The following REXO2 variants were observed in gnomAD, a reference collection of about 807,000 sequenced individuals.
REXO2 encodes the protein oligoribonuclease, mitochondrial.
A neutral mutation model predicts 30.9 loss-of-function variants in REXO2; 17 were observed. The observed-to-expected ratio is 0.55, with a 90% CI of 0.38 to 0.82. The LOEUF is 0.82. Among genes scored for constraint, REXO2 ranks in the 40% least tolerant of loss-of-function variants. The pLI is 0.00. For synonymous variants in REXO2, 105 were observed against 99.6 expected (o/e 1.05, Z -0.32); for missense variants, 253 against 293.2 (o/e 0.86, Z 1.00).
At chr11:114,440,769 T>G (rs1045503072) in intron 2 of REXO2, 30 bp downstream of exon 2, 1 of 1,455,050 alleles carries the variant, frequency 6.9e-7, no homozygotes, top group Non-Finnish European at 9.6e-7. Flanking sequence ...ACAGTCATAC[T>G]TTTTAAAGGG....
Position 114,439,592 on chromosome 11 carries a change from G to T in REXO2, c.64G>T (p.Gly22Trp). The T allele has an allele frequency of 6.2e-7, 1 of 1,608,242 alleles. No individual in the cohort carries two copies. The highest frequency in any genetic ancestry group is 2.2e-5 in the East Asian group (1 of 44,644). The change falls in exon 1 of 7, where the codon GGG (glycine) becomes TGG (tryptophan). Residue 22 changes from glycine to tryptophan, a missense_variant. Transcript: ENST00000265881. ...TGTAGGTGGGAGTCACGGACGGTTC[G>T]GGGCCCGAGGTGTCCGCGAAGGTGG... ...RGVGGSHGRF[G>W]ARGVREGGAA...
intron 3 of REXO2, 115 bp downstream of exon 3, chr11:114,444,048 T>C: frequency 1.3e-6 from 1 of 783,218 alleles, no homozygotes; most frequent in Admixed American, 2.0e-5. Context: ...TTAGAGAAGA[T>C]TGCATGGCAA....
chr11:114,446,518 C>T (rs1266605132), intron 5 of REXO2, among the ~76,000 whole-genome samples: 12 of 152,178 alleles, frequency 7.9e-5, no homozygotes, highest in Non-Finnish European at 1.5e-5. Context: ...AGGGAAGCAG[C>T]ATCTAACTGT....
At position 114,439,563 on chromosome 11, in the gene REXO2, G is replaced by T; in HGVS notation, c.35G>T (p.Arg12Leu). The change falls in exon 1 of 7, where the codon CGG becomes CTG. Residue 12 changes from arginine (R) to leucine (L), a missense_variant. Arg to Leu is a moderately radical substitution (Grantham distance 102). Transcript: ENST00000265881. ...GGCTCCCTGGGCTCCAGGCTGTTGC[G>T]GGGTGTAGGTGGGAGTCACGGACGG... Reference protein sequence around the residue: ...LGGSLGSRLLRGVGGSHGRFG... With the variant: ...LGGSLGSRLLLGVGGSHGRFG... 1 of 1,609,504 alleles carries T rather than the reference G, an allele frequency of 6.2e-7. No individual in the cohort carries two copies. Among genetic ancestry groups the T allele is most frequent in the Non-Finnish European group, 8.5e-7 (1 of 1,179,544 alleles).
At chr11:114,444,796 T>C (rs762665347) in intron 4 of REXO2, 144 bp downstream of exon 4, 2 of 445,202 alleles carry the variant, frequency 4.5e-6, no homozygotes, top group East Asian at 7.2e-5. Flanking sequence ...TCTGTTCAAG[T>C]TTCTCTGTGT....
rs1946471151 is a variant in REXO2 at position 114,440,749 on chromosome 11, G to A, written c.231+10G>A. ...CAACATTTTGGCTGAAGTACGTGAT[G>A]CCATGTAATACAGTCATACTTTTTA... is the stretch of plus-strand genomic sequence containing the variant. On this transcript the variant is annotated intron_variant, in intron 2 of 6. Transcript: ENST00000265881. 1 of 1,585,730 alleles carries A rather than the reference G, an allele frequency of 6.3e-7. No homozygotes were observed. The highest frequency in any genetic ancestry group is 1.7e-5 in the Admixed American group (1 of 59,922).
chr11:114,439,980 T>TGGAGTG, intron 1 of REXO2: 1 of 505,420 alleles, frequency 2.0e-6, no homozygotes, highest in Non-Finnish European at 3.6e-6. Flanking sequence ...CTTGGGTCAC[T>TGGAGTG]GGAGTGGGGG....
intron 2 of REXO2, 148 bp from the exon 3 acceptor site, chr11:114,443,708 C>A: frequency 1.7e-6 from 1 of 590,716 alleles, no homozygotes; most frequent in Non-Finnish European, 3.0e-6. Flanking sequence ...ATGAACAGTG[C>A]TGGAATGAAG....
At chr11:114,449,724 A>G (rs1003700453) in intron 6 of REXO2, 122 bp from the exon 7 acceptor site, 1 of 922,812 alleles carries the variant, frequency 1.1e-6, no homozygotes, top group Non-Finnish European at 1.6e-6. Flanking sequence ...TGATGATGCT[A>G]GACAGTGACA....
chr11:114,439,777 A>C, intron 1 of REXO2, 102 bp downstream of exon 1: 4 of 1,354,710 alleles, frequency 3.0e-6, no homozygotes, highest in Non-Finnish European at 3.9e-6. Flanking sequence ...TCTGGGTCTC[A>C]GGTGTGGCAG....
In REXO2 at chr11:114,440,718, T is replaced by C; in HGVS notation, c.210T>C (p.Ser70=). The C allele has an allele frequency of 6.2e-7, 1 of 1,613,806 alleles. No individual in the cohort carries two copies. The highest frequency in any genetic ancestry group is 8.5e-7 in the Non-Finnish European group (1 of 1,179,724). Residue 70 remains serine, a synonymous_variant, in exon 2 of 7, where the codon TCT becomes TCC. Coordinates refer to ENST00000265881, the MANE Select transcript of REXO2 (RefSeq NM_015523.4). ...IIEMACLITD[S]DLNILAEGPN... Reference sequence around the variant, plus strand: ...AGATGGCCTGTCTGATAACTGACTCTGATCTCAACATTTTGGCTGAAGTAC... The same window carrying C: ...AGATGGCCTGTCTGATAACTGACTCCGATCTCAACATTTTGGCTGAAGTAC...
At chr11:114,440,584 G>A (rs1279942686) in intron 1 of REXO2, 72 bp from the exon 2 acceptor site, 5 of 1,147,768 alleles carry the variant, frequency 4.4e-6, no homozygotes, top group Non-Finnish European at 6.4e-6. Context: ...GGGAATTCCT[G>A]TTAAATAAAC....
chr11:114,448,191 TG>T (rs1458678750), intron 6 of REXO2, among the ~76,000 whole-genome samples: 1 of 152,214 alleles, frequency 6.6e-6, no homozygotes, highest in African/African-American at 2.4e-5. Flanking sequence ...GATATGGACT[TG>T]CAGCCTTTTG....
At position 114,449,940 on chromosome 11, in the gene REXO2, A is replaced by G. The variant is rs1176196401; in HGVS notation, c.679A>G (p.Ile227Val). ...AATAGATGAAAAGAAGAGGAAAATT[A>G]TAGAAAATGGGGAAAATGAGAAGAC... The part of the protein sequence containing the change: ...KKIDEKKRKI[I>V]ENGENEKTVS The change falls in exon 7 of 7, where the codon ATA (isoleucine) becomes GTA (valine). Residue 227 changes from isoleucine to valine, a missense_variant. Coordinates refer to ENST00000265881, the MANE Select transcript of REXO2 (RefSeq NM_015523.4). The G allele has an allele frequency of 1.9e-6, 3 of 1,609,236 alleles. No homozygotes were observed. The highest frequency in any genetic ancestry group is 2.2e-5 in the East Asian group (1 of 44,692).
chr11:114,448,533 A>G (rs536375301), intron 6 of REXO2, among the ~76,000 whole-genome samples: 2 of 152,324 alleles, frequency 1.3e-5, no homozygotes, highest in South Asian at 4.1e-4. Context: ...GCATTCTTAC[A>G]TTATTTTATT....
intron 2 of REXO2, among the ~76,000 whole-genome samples, chr11:114,443,447 CTT>C (rs889886640): frequency 6.6e-6 from 1 of 151,900 alleles, no homozygotes; most frequent in Non-Finnish European, 1.5e-5. Context: ...GGTTGACAGA[CTT>C]TTCTGGAAAG....
At chr11:114,444,517 G>T in intron 3 of REXO2, 24 bp from the exon 4 acceptor site, 1 of 1,541,458 alleles carries the variant, frequency 6.5e-7, no homozygotes, top group African/African-American at 1.4e-5. Flanking sequence ...TTTTTGGTGG[G>T]GGGCTGGGGA....
intron 5 of REXO2, among the ~76,000 whole-genome samples, chr11:114,446,554 A>G (rs1316287665): frequency 6.6e-6 from 1 of 152,242 alleles, no homozygotes; most frequent in African/African-American, 2.4e-5. Flanking sequence ...ATGGGGAGTC[A>G]GAGAAACCTT....
rs1240630443 is a variant in REXO2, at chr11:114,443,781, C to G, written c.232-75C>G. ...TGATATGTATATTTAGTCCTTAAAA[C>G]AGCTTAAGCTTTCCCTCTGAAAGTA... On this transcript the variant is annotated intron_variant, in intron 2 of 6. Transcript: ENST00000265881. The G allele has an allele frequency of 4.7e-6, 5 of 1,073,608 alleles. No individual in the cohort carries two copies. The African/African-American group carries it at 7.9e-5, about 17-fold the overall frequency. 66.5% of individuals were successfully genotyped at this position (1,073,608 alleles called of 1,614,324 possible). A position where few individuals can be genotyped will look rare whatever the true frequency, so the allele number is the denominator to read the frequency against.
Sources: gnomAD v4.1 joint callset for allele counts (sites outside exome capture counted in the v4.1 genomes callset) on GRCh38, gnomAD v4.1.1 for gene constraint, MANE v1.5 for transcripts, NCBI Gene and HGNC (gene_info 2026-07-23, HGNC 2026-07-21) for gene names.